The following ACOX1 variants were observed in gnomAD, a reference collection of about 807,000 sequenced individuals.
ACOX1 encodes acyl-CoA oxidase 1.
ACOX1 carries 41 observed loss-of-function variants against 75.5 expected under a neutral mutation model. That is an observed-to-expected ratio of 0.54 (90% CI 0.42 to 0.70). The LOEUF (loss-of-function observed/expected upper bound fraction) is 0.70. Ranked by LOEUF, ACOX1 falls within the 30% of genes least tolerant of loss-of-function variation. The probability of loss-of-function intolerance (pLI) is 0.00; values close to 1 mark genes in which losing one functional copy is unlikely to be tolerated. For missense variants in ACOX1, 630 were observed against 837.5 expected (o/e 0.75, Z 3.06); for synonymous variants, 303 against 298.8 (o/e 1.01, Z -0.15).
At chr17:75,965,296 C>G (rs1360454866) in intron 2 of ACOX1, among the ~76,000 whole-genome samples, 1 of 147,832 alleles carries the variant, frequency 6.8e-6, no homozygotes, top group Admixed American at 6.8e-5. Context: ...CGAGATCGCC[C>G]CACTGCACTC....
intron 4 of ACOX1, among the ~76,000 whole-genome samples, chr17:75,956,866 C>A (rs2065828366): frequency 7.5e-6 from 1 of 132,962 alleles, no homozygotes; most frequent in Admixed American, 8.0e-5. Flanking sequence ...TCCTGAGTAG[C>A]CAGGACTATA....
chr17:75,955,461 CTGT>C (rs2065815337), intron 6 of ACOX1, 102 bp downstream of exon 6: 2 of 946,636 alleles, frequency 2.1e-6, no homozygotes, highest in Admixed American at 3.9e-5. Flanking sequence ...GTGTGCCCTG[CTGT>C]TATTACCTTC....
chr17:75,973,543 GCAGAAAAAAGT>G (rs1385453130), intron 2 of ACOX1: 2 of 1,414,948 alleles, frequency 1.4e-6, no homozygotes, highest in Non-Finnish European at 2.0e-6. Flanking sequence ...ACAGGTAGCA[GCAGAAAAAAGT>G]CAAATGCCAG....
rs756811890 is a variant in ACOX1 at position 75,946,746 on chromosome 17, C to A, written c.*2G>T. ...GCAGATTAAACTTGTCCTTGTGACACTTCAGAGCTTGGACTGCAGTGACTT... is the reference window on the plus strand; with the variant it reads ...GCAGATTAAACTTGTCCTTGTGACAATTCAGAGCTTGGACTGCAGTGACTT... On this transcript the variant is annotated 3_prime_UTR_variant, in exon 14 of 14. Coordinates refer to ENST00000293217, the MANE Select transcript of ACOX1 (RefSeq NM_004035.7). The A allele has an allele frequency of 1.9e-6, 3 of 1,613,948 alleles. No individual in the cohort carries two copies. The highest frequency in any genetic ancestry group is 2.5e-6 in the Non-Finnish European group (3 of 1,179,846).
rs372879769 is a variant in ACOX1 at position 75,978,995 on chromosome 17, G to A, written c.79C>T (p.Pro27Ser). 6.5e-5 allele frequency: 104 copies of A among 1,611,096 alleles called. No homozygotes were observed. The highest frequency in any genetic ancestry group is 7.6e-5 in the Non-Finnish European group (90 of 1,179,970). Residue 27 changes from proline (P) to serine (S), a missense_variant, in exon 1 of 14, where the codon CCC becomes TCC. Around this residue, in one of 2 missense-constraint regions of ACOX1, gnomAD observed 390 missense variants for 574.9 expected, o/e 0.68. Coordinates refer to ENST00000293217, the MANE Select transcript of ACOX1 (RefSeq NM_004035.7). This position sits in a 1 kb window ranked among gnomAD's most constrained non-coding sequence, Gnocchi z 4.2. The part of the protein sequence containing the change: ...ELLTHILDGS[P>S]EKTRRRREIE... ...TCTCGGCGGCGCCGGGTTTTCTCGGGGCTGCCGTCCAGGATGTGTGTAAGC... is the reference window on the plus strand; with the variant it reads ...TCTCGGCGGCGCCGGGTTTTCTCGGAGCTGCCGTCCAGGATGTGTGTAAGC...
At chr17:75,973,889 A>G in intron 2 of ACOX1, 5 of 1,113,146 alleles carry the variant, frequency 4.5e-6, no homozygotes, top group Non-Finnish European at 5.3e-6. Context: ...GGTCAGGAAA[A>G]TGTAAACCCC....
At chr17:75,966,087 G>T (rs1442471037) in intron 2 of ACOX1, among the ~76,000 whole-genome samples, 1 of 150,332 alleles carries the variant, frequency 6.7e-6, no homozygotes. Context: ...CTGAGATCAT[G>T]CCACTGCACT....
At position 75,948,275 on chromosome 17, in the gene ACOX1, C is replaced by T; in HGVS notation, c.1911G>A (p.Lys637=). The change falls in exon 13 of 14, where the codon AAG becomes AAA. Residue 637 remains lysine, a synonymous_variant. Coordinates refer to ENST00000293217, the MANE Select transcript of ACOX1 (RefSeq NM_004035.7). ...CCTCTGCTTTGTTCAGTGGGGAGTT[C>T]TTAGCCCACTCAAACAAGTTTTCAT... ...NVYENLFEWA[K]NSPLNKAEVH... 6.2e-7 allele frequency: 1 copy of T among 1,614,092 alleles called. No individual in the cohort carries two copies. The highest frequency in any genetic ancestry group is 8.5e-7 in the Non-Finnish European group (1 of 1,180,016).
chr17:75,976,991 C>CTTTTT (rs1019883355), intron 2 of ACOX1, among the ~76,000 whole-genome samples: 31 of 78,876 alleles, frequency 3.9e-4, no homozygotes, highest in Non-Finnish European at 5.0e-4. Flanking sequence ...GCAAAAAAGT[C>CTTTTT]TTTTTTTTTT....
chr17:75,946,685 C>A lies in ACOX1; in HGVS notation c.*63G>T, dbSNP rs1232468139. 6.8e-7 allele frequency: 1 copy of A among 1,459,862 alleles called. No homozygotes were observed. The highest frequency in any genetic ancestry group is 9.6e-7 in the Non-Finnish European group (1 of 1,041,910). The allele number at this position is 1,459,862 out of a possible 1,614,324, so 90.4% of individuals were successfully genotyped here. ...TAGCTATTTGAATTCGAAAAAGATT[C>A]CACAAAATTTGAGTTGCACACAGGC... On this transcript the variant is annotated 3_prime_UTR_variant, in exon 14 of 14. Transcript: ENST00000293217.
chr17:75,960,624 C>A lies in ACOX1; in HGVS notation c.270-249G>T, dbSNP rs539983793. Among the ~76,000 whole-genome samples, 3 of 152,272 alleles carry A rather than the reference C, an allele frequency of 2.0e-5. No homozygotes were observed. Among genetic ancestry groups the A allele is most frequent in the South Asian group, 4.1e-4 (2 of 4,826 alleles). On this transcript the variant is annotated intron_variant, in intron 2 of 13. Transcript: ENST00000293217. The surrounding 1 kb of genome is among the most constrained non-coding windows in gnomAD (Gnocchi z 4.4). ...GTTACTGATTCCAAAGCCAATGCAG[C>A]ACAAAACCACACGTGCAAGGCAGAG...
chr17:75,954,516 C>T (rs1350693653), intron 6 of ACOX1, among the ~76,000 whole-genome samples: 1 of 130,676 alleles, frequency 7.7e-6, no homozygotes, highest in African/African-American at 3.2e-5. Flanking sequence ...GAGACTCTCT[C>T]TCTCAAAAAA....
At chr17:75,965,353 A>AC (rs1337699802) in intron 2 of ACOX1, among the ~76,000 whole-genome samples, 2 of 151,034 alleles carry the variant, frequency 1.3e-5, no homozygotes, top group African/African-American at 4.9e-5. Context: ...AAAAAAAAAA[A>AC]AACCCAGAAA....
chr17:75,955,113 C>T (rs571474716), intron 6 of ACOX1, among the ~76,000 whole-genome samples: 90 of 149,994 alleles, frequency 6.0e-4, no homozygotes, highest in Non-Finnish European at 1.0e-3. Context: ...CATGATCTTC[C>T]CGCCTCAGCC....
chr17:75,950,377 GCC>G lies in ACOX1; in HGVS notation c.1298+395_1298+396del, dbSNP rs2065763579. Among the ~76,000 whole-genome samples the G allele has an allele frequency of 6.6e-6, 1 of 152,020 alleles. No individual in the cohort carries two copies. Among genetic ancestry groups the G allele is most frequent in the Non-Finnish European group, 1.5e-5 (1 of 68,010 alleles). On this transcript the variant is annotated intron_variant, in intron 9 of 13. Transcript: ENST00000293217. The surrounding 1 kb of genome is among the most constrained non-coding windows in gnomAD (Gnocchi z 4.3). The stretch of plus-strand genomic sequence containing the variant: ...TCTTCTGCCTCAGCCTCCCAAGTAG[GCC>G]GGGATTACAGGCAATGTGCCATCAT...
rs1473803034 is a variant in ACOX1, at chr17:75,946,501, G to C, written c.*247C>G. The C allele has an allele frequency of 3.3e-5, 16 of 487,760 alleles. No individual in the cohort carries two copies. The highest frequency in any genetic ancestry group is 4.5e-5 in the Non-Finnish European group (12 of 266,576). The allele number at this position is 487,760 out of a possible 1,614,324, so 30.2% of individuals were successfully genotyped here. A position where few individuals can be genotyped will look rare whatever the true frequency, so the allele number is the denominator to read the frequency against. On this transcript the variant is annotated 3_prime_UTR_variant, in exon 14 of 14. Coordinates refer to ENST00000293217, the MANE Select transcript of ACOX1 (RefSeq NM_004035.7). ...ACTGGGATCAGCAGCATTACAAAAGGAAGTCATATCGCATTTCTTAAGCTT... is the reference window on the plus strand; with the variant it reads ...ACTGGGATCAGCAGCATTACAAAAGCAAGTCATATCGCATTTCTTAAGCTT...
rs1467013838 is a variant in ACOX1, at chr17:75,953,437, G to A, written c.944+14C>T. The A allele has an allele frequency of 6.2e-7, 1 of 1,613,180 alleles. No individual in the cohort carries two copies. The highest frequency in any genetic ancestry group is 8.5e-7 in the Non-Finnish European group (1 of 1,179,524). On this transcript the variant is annotated intron_variant, in intron 7 of 13. Transcript: ENST00000293217. The stretch of plus-strand genomic sequence containing the variant: ...GGCCTTTGGTACTGAGCCCATCTAG[G>A]ACCCTATCCTTACCCTGGCTTGATT...
Position 75,949,357 on chromosome 17 carries a change from G to A in ACOX1, c.1588C>T (p.His530Tyr), listed in dbSNP as rs2144235859. 1 of 1,614,122 alleles carries A rather than the reference G, an allele frequency of 6.2e-7. No homozygotes were observed. The highest frequency in any genetic ancestry group is 2.2e-5 in the East Asian group (1 of 44,888). Residue 530 changes from histidine (H) to tyrosine (Y), a missense_variant, in exon 12 of 14, where the codon CAT becomes TAT. Physicochemically the swap from His to Tyr is moderately conservative, Grantham distance 83 (BLOSUM62 2). Coordinates refer to ENST00000293217, the MANE Select transcript of ACOX1 (RefSeq NM_004035.7). ...AGCTTAACTACCACATAGTGGCAATGTGCCTAAGATTAAAAAGAAAACACC... is the reference window on the plus strand; with the variant it reads ...AGCTTAACTACCACATAGTGGCAATATGCCTAAGATTAAAAAGAAAACACC... Reference protein sequence around the residue: ...SVDLVRASEAHCHYVVVKLFS... With the variant: ...SVDLVRASEAYCHYVVVKLFS...
chr17:75,973,571 C>T (rs2066016620), intron 2 of ACOX1: 4 of 1,593,086 alleles, frequency 2.5e-6, no homozygotes, highest in Non-Finnish European at 3.4e-6. Context: ...CCAGCAATCA[C>T]TGTTAACTGA....
Sources: gnomAD v4.1 joint callset for allele counts (sites outside exome capture counted in the v4.1 genomes callset) on GRCh38, gnomAD v4.1.1 for gene constraint, gnomAD v4.1.1 regional missense constraint, Gnocchi (gnomAD v3.1) non-coding constraint, MANE v1.5 for transcripts, NCBI Gene and HGNC (gene_info 2026-07-23, HGNC 2026-07-21) for gene names.